CAMTA1: variants seen among roughly 807,000 people sequenced by gnomAD.
CAMTA1 encodes the protein calmodulin-binding transcription activator 1.
A neutral mutation model predicts 170.9 loss-of-function variants in CAMTA1; 27 were observed. The ratio of observed to expected loss-of-function variants is 0.16; its 90% CI spans 0.12 to 0.22. The LOEUF (loss-of-function observed/expected upper bound fraction) is 0.22. Ranked by LOEUF, CAMTA1 falls within the 10% of genes least tolerant of loss-of-function variation. The pLI is 1.00. For missense variants in CAMTA1, 1,619 were observed against 2,217.2 expected (o/e 0.73, Z 5.42); for synonymous variants, 833 against 891.5 (o/e 0.93, Z 1.17).
At chr1:7,266,469 T>C (rs1483498744) in intron 5 of CAMTA1, among the ~76,000 whole-genome samples, 1 of 152,252 alleles carries the variant, frequency 6.6e-6, no homozygotes, top group Non-Finnish European at 1.5e-5. Context: ...CCTGCATCCA[T>C]TTATTGAAGA....
intron 6 of CAMTA1, among the ~76,000 whole-genome samples, chr1:7,541,614 T>G (rs971936806): frequency 2.6e-5 from 4 of 152,230 alleles, no homozygotes; most frequent in African/African-American, 9.7e-5. Flanking sequence ...AAGTTATAGT[T>G]TATTAAAGGG....
At chr1:7,758,162 GACA>G (rs1407603590) in intron 22 of CAMTA1, among the ~76,000 whole-genome samples, 8 of 152,160 alleles carry the variant, frequency 5.3e-5, no homozygotes, top group Admixed American at 5.2e-4. Flanking sequence ...CTGCTGCAAG[GACA>G]ACATTTTTAC....
At chr1:7,606,755 G>T (rs2095489486) in intron 6 of CAMTA1, among the ~76,000 whole-genome samples, 1 of 152,176 alleles carries the variant, frequency 6.6e-6, no homozygotes. Flanking sequence ...CCTAGGAGAG[G>T]CCTGTCCCAC....
chr1:7,107,297 TGTGTGC>T (rs1170925993), intron 4 of CAMTA1, among the ~76,000 whole-genome samples: 23 of 151,226 alleles, frequency 1.5e-4, no homozygotes, highest in African/African-American at 5.4e-4. Context: ...TGTGTGTGTG[TGTGTGC>T]GCGCCCACAC....
chr1:7,385,692 G>A (rs1557630313), intron 5 of CAMTA1, among the ~76,000 whole-genome samples: 2 of 152,164 alleles, frequency 1.3e-5, no homozygotes, highest in South Asian at 2.1e-4. Context: ...TCTCTACAGC[G>A]TGCTCCACCC....
chr1:6,939,543 C>T (rs1409493151), intron 3 of CAMTA1, among the ~76,000 whole-genome samples: 2 of 152,232 alleles, frequency 1.3e-5, no homozygotes, highest in Non-Finnish European at 2.9e-5. Flanking sequence ...CAAAGTGGCT[C>T]CAACCTGTCC....
At chr1:6,869,310 C>T (rs1419586420) in intron 3 of CAMTA1, among the ~76,000 whole-genome samples, 1 of 152,192 alleles carries the variant, frequency 6.6e-6, no homozygotes, top group Admixed American at 6.5e-5. Context: ...CTTAGGCCAG[C>T]CCTTGATGGG....
intron 4 of CAMTA1, among the ~76,000 whole-genome samples, chr1:7,232,411 G>A (rs796866261): frequency 6.6e-6 from 1 of 152,226 alleles, no homozygotes; most frequent in Non-Finnish European, 1.5e-5. Flanking sequence ...GTCCGAGTGC[G>A]TTTTTATGTT....
At chr1:7,614,526 CA>C (rs2095546112) in intron 6 of CAMTA1, among the ~76,000 whole-genome samples, 1 of 152,190 alleles carries the variant, frequency 6.6e-6, no homozygotes, top group Non-Finnish European at 1.5e-5. Context: ...AGATATATGA[CA>C]GTGACAACAA....
chr1:7,189,478 A>G (rs992123345), intron 4 of CAMTA1, among the ~76,000 whole-genome samples: 1 of 152,242 alleles, frequency 6.6e-6, no homozygotes, highest in African/African-American at 2.4e-5. Flanking sequence ...TAAGGACATG[A>G]ATAGAGAGTT....
intron 3 of CAMTA1, among the ~76,000 whole-genome samples, chr1:6,876,815 AT>A (rs1670032155): frequency 6.6e-6 from 1 of 152,346 alleles, no homozygotes; most frequent in South Asian, 2.1e-4. Context: ...AGCCTCATAG[AT>A]TTAGATAGAT....
At chr1:6,942,214 T>C (rs545682235) in intron 3 of CAMTA1, among the ~76,000 whole-genome samples, 2 of 152,316 alleles carry the variant, frequency 1.3e-5, no homozygotes, top group Admixed American at 6.5e-5. Context: ...CTATGGCAAG[T>C]TGCCCCAGCA....
intron 5 of CAMTA1, among the ~76,000 whole-genome samples, chr1:7,349,619 T>G (rs947480641): frequency 2.6e-5 from 4 of 152,194 alleles, no homozygotes; most frequent in African/African-American, 7.2e-5. Flanking sequence ...GAGGCCTCTG[T>G]CCTTGGTTCT....
At chr1:6,925,783 A>T (rs1682965582) in intron 3 of CAMTA1, among the ~76,000 whole-genome samples, 1 of 152,190 alleles carries the variant, frequency 6.6e-6, no homozygotes, top group Non-Finnish European at 1.5e-5. Flanking sequence ...TCTTCCCAAG[A>T]GGCATCTCCA....
At chr1:7,284,177 C>CTTCTTATTA (rs1333698169) in intron 5 of CAMTA1, among the ~76,000 whole-genome samples, 93 of 99,308 alleles carry the variant, frequency 9.4e-4, no homozygotes, top group South Asian at 1.5e-3. Context: ...TCTTCTTCTT[C>CTTCTTATTA]TTATTATTAT....
At chr1:7,516,376 G>A (rs1168695804) in intron 6 of CAMTA1, among the ~76,000 whole-genome samples, 1 of 152,208 alleles carries the variant, frequency 6.6e-6, no homozygotes, top group Admixed American at 6.5e-5. Flanking sequence ...TCACACTGTG[G>A]AATTGGGGGC....
intron 4 of CAMTA1, among the ~76,000 whole-genome samples, chr1:7,237,276 A>C (rs1225443848): frequency 1.3e-5 from 2 of 152,198 alleles, no homozygotes; most frequent in African/African-American, 2.4e-5. Context: ...ATAGCCGGTC[A>C]ACCTGAACAG....
At chr1:7,235,132 C>A (rs529406176) in intron 4 of CAMTA1, among the ~76,000 whole-genome samples, 14 of 152,222 alleles carry the variant, frequency 9.2e-5, no homozygotes, top group Non-Finnish European at 1.5e-5. Context: ...AAGCCCTAGC[C>A]ACCCTTCATC....
chr1:6,937,828 C>T (rs969741419), intron 3 of CAMTA1, among the ~76,000 whole-genome samples: 2 of 151,424 alleles, frequency 1.3e-5, no homozygotes, highest in Admixed American at 1.3e-4. Flanking sequence ...ACTACCATAA[C>T]CATCACTGTC....
Sources: gnomAD v4.1 joint callset for allele counts (sites outside exome capture counted in the v4.1 genomes callset) on GRCh38, gnomAD v4.1.1 for gene constraint, MANE v1.5 for transcripts, NCBI Gene and HGNC (gene_info 2026-07-23, HGNC 2026-07-21) for gene names.